FRMD3: variants seen among roughly 807,000 people sequenced by gnomAD.
FRMD3 encodes FERM domain-containing protein 3.
Under a neutral mutation model 70.2 loss-of-function variants are expected in FRMD3, and 33 were observed. That is an observed-to-expected ratio of 0.47 (90% CI 0.36 to 0.63). FRMD3 has a LOEUF of 0.63. Ranked by LOEUF, FRMD3 falls within the 20% of genes least tolerant of loss-of-function variation. The probability of loss-of-function intolerance (pLI) is 0.00; values close to 1 mark genes in which losing one functional copy is unlikely to be tolerated. For missense variants in FRMD3, 632 were observed against 711.4 expected (o/e 0.89, Z 1.27); for synonymous variants, 279 against 255.9 (o/e 1.09, Z -0.86).
chr9:83,546,937 A>G, the FRMD3 span, among the ~76,000 whole-genome samples: 1 of 150,244 alleles, frequency 6.7e-6, no homozygotes, highest in Admixed American at 6.7e-5. Context: ...TTTTTGAAAA[A>G]AAAGATCCAA....
intron 3 of FRMD3, among the ~76,000 whole-genome samples, chr9:83,350,362 G>A (rs908532405): frequency 2.6e-5 from 4 of 151,880 alleles, no homozygotes; most frequent in African/African-American, 7.3e-5. Context: ...GGTGTCTCAC[G>A]CCTGTAATCC....
chr9:83,375,939 C>T (rs142256575), intron 2 of FRMD3, among the ~76,000 whole-genome samples: 2,705 of 152,164 alleles, frequency 0.018, 93 homozygotes, highest in African/African-American at 0.061. Context: ...GTGGGTGGAC[C>T]GCCTGAGGTC....
chr9:83,544,375 T>C, the FRMD3 span, among the ~76,000 whole-genome samples: 11 of 152,254 alleles, frequency 7.2e-5, no homozygotes, highest in South Asian at 2.3e-3. Context: ...TGCTTGGCAT[T>C]GGGTTATCCA....
At chr9:83,532,597 G>A (rs1345096893) in intron 1 of FRMD3, among the ~76,000 whole-genome samples, 5 of 151,970 alleles carry the variant, frequency 3.3e-5, no homozygotes, top group Non-Finnish European at 5.9e-5. Flanking sequence ...ATGATTAGCC[G>A]ACAGCTGTTC....
At chr9:83,494,867 G>A (rs549282505) in intron 1 of FRMD3, among the ~76,000 whole-genome samples, 12 of 117,240 alleles carry the variant, frequency 1.0e-4, no homozygotes, top group South Asian at 2.7e-4. Flanking sequence ...GTGCGCGCGC[G>A]CATGTGCGTG....
At chr9:83,399,574 A>G (rs1263095406) in intron 1 of FRMD3, among the ~76,000 whole-genome samples, 3 of 152,180 alleles carry the variant, frequency 2.0e-5, no homozygotes, top group Non-Finnish European at 4.4e-5. Flanking sequence ...ACATTTTACA[A>G]GTTGAATCTT....
chr9:83,355,682 T>G (rs931445616), intron 3 of FRMD3, among the ~76,000 whole-genome samples: 11 of 152,158 alleles, frequency 7.2e-5, no homozygotes, highest in Non-Finnish European at 2.9e-5. Context: ...TGTGAGATTG[T>G]GTTCTGTTGA....
intron 13 of FRMD3, among the ~76,000 whole-genome samples, chr9:83,275,751 G>A (rs1408067672): frequency 6.6e-6 from 1 of 152,050 alleles, no homozygotes; most frequent in East Asian, 1.9e-4. Context: ...ATAAAACTAG[G>A]GCCTGAATAC....
rs201583973 is a variant in FRMD3, at chr9:83,248,198, C to T, written c.1514G>A (p.Arg505His). The T allele has an allele frequency of 6.3e-5, 101 of 1,614,162 alleles. No homozygotes were observed. The African/African-American group carries it at 6.8e-4, about 11-fold the overall frequency. ...GTCATAGCTCCACGACAAAGCACGG[C>T]GAGCCTCCTTCAGCTCCTCTTCTTC... Reference protein sequence around the residue: ...IAEEEELKEARRALSWSYDIL... With the variant: ...IAEEEELKEAHRALSWSYDIL... Residue 505 changes from arginine to histidine, a missense_variant, in exon 14 of 14, where the codon CGC (arginine) becomes CAC (histidine). Physicochemically the swap from Arg to His is conservative, Grantham distance 29. Transcript: ENST00000304195.
intron 1 of FRMD3, among the ~76,000 whole-genome samples, chr9:83,483,249 T>C (rs1379773615): frequency 6.6e-6 from 1 of 152,166 alleles, no homozygotes; most frequent in African/African-American, 2.4e-5. Context: ...TACTCTGCCA[T>C]GTGAAGGTAT....
At chr9:83,439,177 T>G (rs929018070) in intron 1 of FRMD3, among the ~76,000 whole-genome samples, 2 of 152,204 alleles carry the variant, frequency 1.3e-5, no homozygotes, top group Non-Finnish European at 2.9e-5. Flanking sequence ...ATGAACATGG[T>G]TAAATATTGT....
intron 1 of FRMD3, among the ~76,000 whole-genome samples, chr9:83,514,216 G>C (rs1254539453): frequency 6.6e-6 from 1 of 152,200 alleles, no homozygotes; most frequent in African/African-American, 2.4e-5. Context: ...CTACTGGCTT[G>C]AAATTCTCAC....
In FRMD3 at chr9:83,506,250, G is replaced by C. The variant is rs553423871; in HGVS notation, c.147+31835C>G. ...TAGTTTGTAATAGCCAAAACTAGAA[G>C]CAACCTAAATGTCTATCAATAATGT... On this transcript the variant is annotated intron_variant, in intron 1 of 13. Coordinates refer to ENST00000304195, the MANE Select transcript of FRMD3 (RefSeq NM_174938.6). Among the ~76,000 whole-genome samples the C allele has an allele frequency of 1.3e-3, 191 of 152,184 alleles. 2 individuals are homozygous for C. Among genetic ancestry groups the C allele is most frequent in the African/African-American group, 4.4e-3 (183 of 41,526 alleles).
chr9:83,544,039 A>G, the FRMD3 span, among the ~76,000 whole-genome samples: 1 of 152,138 alleles, frequency 6.6e-6, no homozygotes, highest in African/African-American at 2.4e-5. Flanking sequence ...TGTACAAAAG[A>G]CAGGGCCCCT....
At chr9:83,448,194 ATACACTTCTCTAAGAAACAGTATATTACC>A (rs1032504684) in intron 1 of FRMD3, among the ~76,000 whole-genome samples, 1 of 152,142 alleles carries the variant, frequency 6.6e-6, no homozygotes, top group Non-Finnish European at 1.5e-5. Flanking sequence ...GCATTCTTAA[ATACACTTCTCTAAGAAACAGTATATTACC>A]TACTTCAAAA....
intron 6 of FRMD3, among the ~76,000 whole-genome samples, chr9:83,319,221 T>C (rs1835702869): frequency 6.6e-6 from 1 of 152,176 alleles, no homozygotes; most frequent in Non-Finnish European, 1.5e-5. Context: ...TATTTTTGTT[T>C]TGTTGCATTT....
In FRMD3 at chr9:83,294,699, G is replaced by A. The variant is rs75545210; in HGVS notation, c.1071-3972C>T. Among the ~76,000 whole-genome samples the A allele has an allele frequency of 3.8e-3, 572 of 152,238 alleles. 5 individuals are homozygous for A. Among genetic ancestry groups the A allele is most frequent in the African/African-American group, 0.013 (542 of 41,536 alleles). ...TAATGTGACTAAAGACGCTTATATG[G>A]GCAAACTTAGGACTCAAAGCTCAAA... On this transcript the variant is annotated intron_variant, in intron 12 of 13. Coordinates refer to ENST00000304195, the MANE Select transcript of FRMD3 (RefSeq NM_174938.6).
intron 13 of FRMD3, among the ~76,000 whole-genome samples, chr9:83,259,206 ATAT>A (rs1363747003): frequency 2.0e-5 from 3 of 152,224 alleles, no homozygotes; most frequent in Non-Finnish European, 4.4e-5. Flanking sequence ...CAGATATCAG[ATAT>A]TATCCATACA....
intron 10 of FRMD3, among the ~76,000 whole-genome samples, chr9:83,299,848 G>A (rs773898308): frequency 6.6e-5 from 10 of 152,210 alleles, no homozygotes; most frequent in Non-Finnish European, 1.5e-4. Flanking sequence ...AGCCCTACTC[G>A]TAAATAAGAG....
Sources: allele counts gnomAD v4.1 joint callset (sites outside exome capture counted in the v4.1 genomes callset), GRCh38; gene constraint gnomAD v4.1.1; transcripts MANE v1.5; gene names NCBI Gene and HGNC (gene_info 2026-07-23, HGNC 2026-07-21).